DZIP3: variants seen among roughly 807,000 people sequenced by gnomAD.
DZIP3 encodes the protein E3 ubiquitin-protein ligase DZIP3.
In DZIP3, 118 loss-of-function variants were observed where a neutral mutation model predicts 162.0. The observed-to-expected ratio is 0.73, with a 90% CI of 0.63 to 0.85. DZIP3 has a LOEUF of 0.85. Ranked by LOEUF, DZIP3 falls within the 40% of genes least tolerant of loss-of-function variation. The pLI is 0.00. For missense variants in DZIP3, 1,331 were observed against 1,407.0 expected, an observed-to-expected ratio of 0.95 and a Z score of 0.86; for synonymous variants, 438 against 458.6, an observed-to-expected ratio of 0.96 and a Z score of 0.57.
chr3:108,655,165 A>T (rs2123872), intron 19 of DZIP3, among the ~76,000 whole-genome samples: 97,045 of 152,024 alleles, frequency 0.64, 31,508 homozygotes, highest in African/African-American at 0.76. Context: ...AATTAAAATG[A>T]CACATACCTT....
intron 1 of DZIP3, 124 bp from the exon 2 acceptor site, chr3:108,605,211 C>T (rs1940269003): frequency 2.9e-6 from 2 of 693,962 alleles, no homozygotes; most frequent in Non-Finnish European, 4.7e-6. Flanking sequence ...GGTGGCGAAA[C>T]TATGATTCAT....
intron 1 of DZIP3, 119 bp from the exon 2 acceptor site, chr3:108,605,216 A>G (rs1458349422): frequency 2.8e-6 from 2 of 716,554 alleles, no homozygotes; most frequent in South Asian, 1.8e-5. Context: ...CGAAACTATG[A>G]TTCATTTTCT....
chr3:108,686,693 T>G (rs1293896321), intron 28 of DZIP3, 109 bp downstream of exon 28: 4 of 1,285,200 alleles, frequency 3.1e-6, no homozygotes, highest in Admixed American at 5.8e-5. Flanking sequence ...ACAAAAAAAG[T>G]ACAGATGTTT....
chr3:108,614,151 A>T (rs1421260659), intron 4 of DZIP3, among the ~76,000 whole-genome samples: 1 of 152,240 alleles, frequency 6.6e-6, no homozygotes, highest in Non-Finnish European at 1.5e-5. Context: ...TCTATTTAAA[A>T]CATAAAATAG....
intron 19 of DZIP3, among the ~76,000 whole-genome samples, chr3:108,661,465 T>G (rs1030741587): frequency 5.9e-5 from 9 of 152,054 alleles, no homozygotes; most frequent in Non-Finnish European, 1.0e-4. Flanking sequence ...AAGGGGAACA[T>G]CACACATCGG....
intron 5 of DZIP3, among the ~76,000 whole-genome samples, chr3:108,619,371 A>G (rs1941209534): frequency 6.6e-6 from 1 of 151,944 alleles, no homozygotes; most frequent in African/African-American, 2.4e-5. Context: ...ATACACATAT[A>G]CATATACATG....
At chr3:108,684,638 A>C (rs1944436254) in intron 27 of DZIP3, among the ~76,000 whole-genome samples, 1 of 152,206 alleles carries the variant, frequency 6.6e-6, no homozygotes, top group Admixed American at 6.5e-5. Flanking sequence ...TGACATTTTT[A>C]ATAGATTTTT....
chr3:108,667,204 A>G (rs191463367), intron 21 of DZIP3, among the ~76,000 whole-genome samples: 1 of 152,172 alleles, frequency 6.6e-6, no homozygotes, highest in East Asian at 1.9e-4. Context: ...AAAATAGTAG[A>G]GAAAATCCAT....
At chr3:108,673,386 A>T (rs1473644440) in intron 23 of DZIP3, among the ~76,000 whole-genome samples, 1 of 151,962 alleles carries the variant, frequency 6.6e-6, no homozygotes, top group Non-Finnish European at 1.5e-5. Flanking sequence ...AGTTCAGATT[A>T]CTTTAAAAGC....
At chr3:108,661,070 C>A (rs1463800462) in intron 19 of DZIP3, among the ~76,000 whole-genome samples, 1 of 152,160 alleles carries the variant, frequency 6.6e-6, no homozygotes, top group African/African-American at 2.4e-5. Context: ...TGTGGAAGTC[C>A]ATGTGGCGAT....
At chr3:108,682,248 A>G (rs772071480) in intron 26 of DZIP3, among the ~76,000 whole-genome samples, 2 of 150,870 alleles carry the variant, frequency 1.3e-5, no homozygotes, top group African/African-American at 2.5e-5. Context: ...CAACTACCAT[A>G]TGCTCCAACA....
chr3:108,593,198 A>G (rs1939523126), intron 1 of DZIP3, among the ~76,000 whole-genome samples: 1 of 152,204 alleles, frequency 6.6e-6, no homozygotes. Flanking sequence ...GTTTACACTT[A>G]TTGAGCATTT....
chr3:108,634,709 T>C lies in DZIP3; in HGVS notation c.817-162T>C, dbSNP rs369170812. ...CTATCTTTAGTGATGTAAAAATGACTTGTAAAGTTATTTGGTGATCTCTGA... is the reference window on the plus strand; with the variant it reads ...CTATCTTTAGTGATGTAAAAATGACCTGTAAAGTTATTTGGTGATCTCTGA... On this transcript the variant is annotated intron_variant, in intron 9 of 32. Coordinates refer to ENST00000361582, the MANE Select transcript of DZIP3 (RefSeq NM_014648.4). Among the ~76,000 whole-genome samples the C allele has an allele frequency of 1.1e-4, 16 of 152,304 alleles. 1 individual carries two copies. Among genetic ancestry groups the C allele is most frequent in the Admixed American group, 6.5e-4 (10 of 15,286 alleles).
intron 2 of DZIP3, 64 bp from the exon 3 acceptor site, chr3:108,608,025 C>T: frequency 7.6e-7 from 1 of 1,313,812 alleles, no homozygotes; most frequent in South Asian, 1.2e-5. Context: ...AGATTCTTTA[C>T]TACTACAATT....
In DZIP3 at chr3:108,686,556, C is replaced by G. The variant is rs1297403512; in HGVS notation, c.3121C>G (p.Leu1041Val). 6.2e-7 allele frequency: 1 copy of G among 1,609,858 alleles called. No homozygotes were observed. Among genetic ancestry groups the G allele is most frequent in the East Asian group, 2.2e-5 (1 of 44,550 alleles). ...GAATTGGGAGAGAATTACAGACAGG[C>G]TGAAAACTGCCTTTCCACAGCAAAC... ...IMNWERITDR[L>V]KTAFPQQTRK... is the part of the protein sequence containing the mutation. Residue 1041 changes from leucine (L) to valine (V), a missense_variant, in exon 28 of 33, where the codon CTG becomes GTG. By Grantham distance (32) the Leu-to-Val change is conservative. Coordinates refer to ENST00000361582, the MANE Select transcript of DZIP3 (RefSeq NM_014648.4).
intron 32 of DZIP3, chr3:108,691,174 A>G (rs1397970092): frequency 1.6e-5 from 4 of 251,938 alleles, no homozygotes; most frequent in Admixed American, 1.1e-4. Flanking sequence ...ATTTCTTAGG[A>G]TGTTTTTTCT....
At chr3:108,659,602 A>G (rs1321243553) in intron 19 of DZIP3, among the ~76,000 whole-genome samples, 7 of 151,460 alleles carry the variant, frequency 4.6e-5, no homozygotes, top group Non-Finnish European at 8.9e-5. Flanking sequence ...CTCTCTCACC[A>G]CTCCTATTCA....
At chr3:108,660,949 C>G (rs1943397546) in intron 19 of DZIP3, among the ~76,000 whole-genome samples, 1 of 152,146 alleles carries the variant, frequency 6.6e-6, no homozygotes, top group Non-Finnish European at 1.5e-5. Context: ...CATCTCACAC[C>G]AGTTAGAATG....
At chr3:108,615,008 A>G (rs535998800) in intron 4 of DZIP3, among the ~76,000 whole-genome samples, 3 of 152,270 alleles carry the variant, frequency 2.0e-5, no homozygotes, top group African/African-American at 7.2e-5. Context: ...ACAGGGCCTC[A>G]ATGAAAAGAA....
Sources: gnomAD v4.1 joint callset for allele counts (sites outside exome capture counted in the v4.1 genomes callset) on GRCh38, gnomAD v4.1.1 for gene constraint, MANE v1.5 for transcripts, NCBI Gene and HGNC (gene_info 2026-07-23, HGNC 2026-07-21) for gene names.